CAMKK2: variants seen among roughly 807,000 people sequenced by gnomAD.
CAMKK2 encodes calcium/calmodulin-dependent protein kinase kinase 2.
Under a neutral mutation model 67.2 loss-of-function variants are expected in CAMKK2, and 30 were observed. The observed-to-expected ratio is 0.45, with a 90% CI of 0.33 to 0.61. The LOEUF is 0.61. CAMKK2 is among the 20% of genes least tolerant of loss of function. CAMKK2 has a pLI of 0.02. For missense variants in CAMKK2, 643 were observed against 802.0 expected (o/e 0.80, Z 2.39); for synonymous variants, 322 against 326.2 (o/e 0.99, Z 0.14).
chr12:121,288,199 A>C lies in CAMKK2; in HGVS notation c.-60+8439T>G, dbSNP rs144326158. Among the ~76,000 whole-genome samples, 11 of 152,252 alleles carry C rather than the reference A, an allele frequency of 7.2e-5. No individual in the cohort carries two copies. The East Asian group carries it at 2.1e-3, about 29-fold the overall frequency. Reference sequence around the variant, plus strand: ...AACCAAAGGAAGAGGTTGGAAAACAACTGGAATTTCAGTTTGTAATGAACA... The same window carrying C: ...AACCAAAGGAAGAGGTTGGAAAACACCTGGAATTTCAGTTTGTAATGAACA... On this transcript the variant is annotated intron_variant, in intron 1 of 16. Transcript: ENST00000404169.
chr12:121,281,092 G>A (rs922653225), intron 1 of CAMKK2, among the ~76,000 whole-genome samples: 3 of 152,166 alleles, frequency 2.0e-5, no homozygotes, highest in Non-Finnish European at 2.9e-5. Flanking sequence ...TCCCCCGGAC[G>A]CCCAGCTTTA....
chr12:121,260,419 A>C (rs539179734), intron 6 of CAMKK2, 64 bp from the exon 7 acceptor site: 2 of 1,472,176 alleles, frequency 1.4e-6, no homozygotes, highest in South Asian at 2.4e-5. Flanking sequence ...GAGAATAGAT[A>C]TGAGCAGGGA....
At chr12:121,270,698 C>T (rs1351334421) in intron 3 of CAMKK2, among the ~76,000 whole-genome samples, 200 bp downstream of exon 3, 2 of 152,158 alleles carry the variant, frequency 1.3e-5, no homozygotes, top group Admixed American at 1.3e-4. Context: ...GCTTTCTGAG[C>T]TTCTGCAGAA....
At chr12:121,241,396 T>A (rs1414659666) in intron 16 of CAMKK2, among the ~76,000 whole-genome samples, 1 of 152,082 alleles carries the variant, frequency 6.6e-6, no homozygotes, top group Non-Finnish European at 1.5e-5. Context: ...CCAGGGATCC[T>A]CCCGCCTCAG....
Position 121,255,557 on chromosome 12 carries a change from G to T in CAMKK2, c.900C>A (p.Ile300=). The change falls in exon 9 of 17, where the codon ATC becomes ATA. Residue 300 remains isoleucine (I), a synonymous_variant. Transcript: ENST00000404169. ...CCCGCAGGCCCTGCTCACAGTACTC[G>T]ATGCCTTTGATCAGATCCTGGAAGT... ...RFYFQDLIKG[I]EYLHYQKIIH... is the part of the protein sequence containing the mutation. The T allele has an allele frequency of 6.2e-7, 1 of 1,610,146 alleles. No homozygotes were observed. Among genetic ancestry groups the T allele is most frequent in the South Asian group, 1.1e-5 (1 of 90,364 alleles).
At chr12:121,271,042 A>G in intron 2 of CAMKK2, 97 bp from the exon 3 acceptor site, 1 of 890,212 alleles carries the variant, frequency 1.1e-6, no homozygotes, top group East Asian at 2.4e-5. Context: ...CAGGAGACCA[A>G]GGTGGGAGGA....
rs1235512121 is a variant in CAMKK2 at position 121,285,274 on chromosome 12, G to A, written c.-59-10689C>T. Among the ~76,000 whole-genome samples, 4 of 152,202 alleles carry A rather than the reference G, an allele frequency of 2.6e-5. No homozygotes were observed. The highest frequency in any genetic ancestry group is 4.8e-5 in the African/African-American group (2 of 41,444). ...TCCCAGCACTTTGGGAGGCCAAGGCGGACAGATCACTTGAGGCCAGGAGTT... is the reference window on the plus strand; with the variant it reads ...TCCCAGCACTTTGGGAGGCCAAGGCAGACAGATCACTTGAGGCCAGGAGTT... On this transcript the variant is annotated intron_variant, in intron 1 of 16. Coordinates refer to ENST00000404169, the MANE Select transcript of CAMKK2 (RefSeq NM_001270485.2). The surrounding 1 kb of genome is among the most constrained non-coding windows in gnomAD (Gnocchi z 4.1).
rs755682639 is a variant in CAMKK2, at chr12:121,263,855, A to T, written c.710T>A (p.Ile237Asn). The T allele has an allele frequency of 6.2e-7, 1 of 1,611,184 alleles. No homozygotes were observed. The highest frequency in any genetic ancestry group is 8.5e-7 in the Non-Finnish European group (1 of 1,177,866). ...RGPIEQVYQE[I>N]AILKKLDHPN... Reference sequence around the variant, plus strand: ...GTGGTCCAGCTTCTTGAGGATGGCAATTTCCTGGTACACCTGCTCAATGGG... The same window carrying T: ...GTGGTCCAGCTTCTTGAGGATGGCATTTTCCTGGTACACCTGCTCAATGGG... Residue 237 changes from isoleucine to asparagine, a missense_variant, in exon 6 of 17, where the codon ATT (isoleucine) becomes AAT (asparagine). Ile to Asn is a moderately radical substitution (Grantham distance 149). Around this residue, in one of 3 missense-constraint regions of CAMKK2, gnomAD observed 483 missense variants for 625.8 expected, o/e 0.77. Coordinates refer to ENST00000404169, the MANE Select transcript of CAMKK2 (RefSeq NM_001270485.2).
Position 121,274,584 on chromosome 12 carries a change from A to T in CAMKK2, c.-58T>A, listed in dbSNP as rs200175447. ...GGCACTCCCATCCGGCAGCGGAGCC[A>T]CCTGCAGAAAGAGAAAGGGTCAGCT... On this transcript the variant is annotated splice_region_variant and 5_prime_UTR_variant, in exon 2 of 17. Coordinates refer to ENST00000404169, the MANE Select transcript of CAMKK2 (RefSeq NM_001270485.2). The T allele has an allele frequency of 2.3e-4, 284 of 1,257,802 alleles. No individual in the cohort carries two copies. The African/African-American group carries it at 3.8e-3, about 17-fold the overall frequency. 77.9% of individuals were successfully genotyped at this position (1,257,802 alleles called of 1,614,324 possible). A position where few individuals can be genotyped will look rare whatever the true frequency, so the allele number is the denominator to read the frequency against.
In CAMKK2 at chr12:121,269,286, C is replaced by G. The variant is rs147913756; in HGVS notation, c.573+242G>C. Among the ~76,000 whole-genome samples, 6 of 152,318 alleles carry G rather than the reference C, an allele frequency of 3.9e-5. No homozygotes were observed. In the East Asian group the frequency reaches 7.7e-4, roughly 20 times the overall value. ...ACTATGGAGGATGCAGAGATGACAG[C>G]TCAGAGGAAGGGCATAAAAGCCTTT... is the stretch of plus-strand genomic sequence containing the variant. On this transcript the variant is annotated intron_variant, in intron 4 of 16. Transcript: ENST00000404169.
chr12:121,237,710 CTGTT>C lies in CAMKK2; in HGVS notation c.*2985_*2988del, dbSNP rs1335192916. 1.3e-5 allele frequency: 2 copies of C among 152,508 alleles called. No homozygotes were observed. Among genetic ancestry groups the C allele is most frequent in the African/African-American group, 4.8e-5 (2 of 41,448 alleles). 9.4% of individuals were successfully genotyped at this position (152,508 alleles called of 1,614,324 possible). A position where few individuals can be genotyped will look rare whatever the true frequency, so the allele number is the denominator to read the frequency against. ...CCCAGGCTTGGCACCATTTTGCTGT[CTGTT>C]TATTTCAACTGTACAGAGAAGCTTA... is the stretch of plus-strand genomic sequence containing the variant. On this transcript the variant is annotated 3_prime_UTR_variant, in exon 17 of 17. Coordinates refer to ENST00000404169, the MANE Select transcript of CAMKK2 (RefSeq NM_001270485.2). The surrounding 1 kb of genome is among the most constrained non-coding windows in gnomAD (Gnocchi z 4.5).
At chr12:121,264,380 T>G (rs1008110442) in intron 5 of CAMKK2, among the ~76,000 whole-genome samples, 2 of 152,222 alleles carry the variant, frequency 1.3e-5, no homozygotes, top group Non-Finnish European at 2.9e-5. Flanking sequence ...CTCATGCCTG[T>G]GATCCCAGCA....
Position 121,244,629 on chromosome 12 carries a change from A to G in CAMKK2, c.1554-14T>C, listed in dbSNP as rs374822632. 6.4e-7 allele frequency: 1 copy of G among 1,558,742 alleles called. No homozygotes were observed. Among genetic ancestry groups the G allele is most frequent in the Non-Finnish European group, 8.7e-7 (1 of 1,150,546 alleles). The stretch of plus-strand genomic sequence containing the variant: ...GTTGGTTTTTTGCTGGAATCACCAG[A>G]GGGAGGGAAAAGGGAAGTGAGAAGG... On this transcript the variant is annotated splice_polypyrimidine_tract_variant and intron_variant, in intron 15 of 16. Transcript: ENST00000404169.
intron 16 of CAMKK2, among the ~76,000 whole-genome samples, chr12:121,242,402 C>T (rs1888550431): frequency 6.6e-6 from 1 of 152,060 alleles, no homozygotes; most frequent in African/African-American, 2.4e-5. Flanking sequence ...CAACAGCAGA[C>T]TTGCTCAGAG....
At chr12:121,267,511 G>A (rs537279267) in intron 5 of CAMKK2, among the ~76,000 whole-genome samples, 1 of 147,506 alleles carries the variant, frequency 6.8e-6, no homozygotes, top group African/African-American at 2.5e-5. Flanking sequence ...TTCTTTTTTT[G>A]AGATGGAGTC....
At chr12:121,276,112 A>C (rs1896753947) in intron 1 of CAMKK2, among the ~76,000 whole-genome samples, 1 of 145,722 alleles carries the variant, frequency 6.9e-6, no homozygotes, top group Non-Finnish European at 1.5e-5. Flanking sequence ...ATGAGCCGAG[A>C]TCACGCCACT....
rs1402526896 is a variant in CAMKK2 at position 121,238,960 on chromosome 12, A to C, written c.*1739T>G. On this transcript the variant is annotated 3_prime_UTR_variant, in exon 17 of 17. Coordinates refer to ENST00000404169, the MANE Select transcript of CAMKK2 (RefSeq NM_001270485.2). ...GCTGGGTTACAAAGACCCAGCAAGC[A>C]GGCCAGACGACCCTCTCTAGACTAC... The C allele has an allele frequency of 6.5e-6, 1 of 152,684 alleles. No homozygotes were observed. Among genetic ancestry groups the C allele is most frequent in the Non-Finnish European group, 1.5e-5 (1 of 68,062 alleles). The allele number at this position is 152,684 out of a possible 1,614,324, so 9.5% of individuals were successfully genotyped here.
At chr12:121,251,684 G>A (rs546513324) in intron 11 of CAMKK2, among the ~76,000 whole-genome samples, 105 of 151,990 alleles carry the variant, frequency 6.9e-4, no homozygotes, top group African/African-American at 2.4e-3. Flanking sequence ...AAAATTAGCC[G>A]GGTGTGGTGG....
chr12:121,255,700 G>A (rs1456054968), intron 8 of CAMKK2, 62 bp from the exon 9 acceptor site: 3 of 1,604,814 alleles, frequency 1.9e-6, no homozygotes, highest in Non-Finnish European at 2.6e-6. Flanking sequence ...CCTCTCTCAT[G>A]AGCAGAGCCC....
Sources: gnomAD v4.1 joint callset for allele counts (sites outside exome capture counted in the v4.1 genomes callset) on GRCh38, gnomAD v4.1.1 for gene constraint, gnomAD v4.1.1 regional missense constraint, Gnocchi (gnomAD v3.1) non-coding constraint, MANE v1.5 for transcripts, NCBI Gene and HGNC (gene_info 2026-07-23, HGNC 2026-07-21) for gene names.